NCKAP5: variants seen among roughly 807,000 people sequenced by gnomAD.
The protein encoded by NCKAP5 is nck-associated protein 5.
A neutral mutation model predicts 167.0 loss-of-function variants in NCKAP5; 92 were observed. The ratio of observed to expected loss-of-function variants is 0.55; its 90% confidence interval spans 0.47 to 0.66. The LOEUF is 0.66. NCKAP5 is among the 30% of genes least tolerant of loss of function. The pLI is 0.00. For missense variants in NCKAP5, 2,378 were observed against 2,315.0 expected (o/e 1.03, Z -0.56); for synonymous variants, 891 against 877.4 (o/e 1.02, Z -0.27).
intron 9 of NCKAP5, among the ~76,000 whole-genome samples, chr2:132,869,887 G>A (rs1161740410): frequency 6.6e-6 from 1 of 152,120 alleles, no homozygotes; most frequent in Non-Finnish European, 1.5e-5. Context: ...TCTATGTGGT[G>A]GAAATAAGGT....
At chr2:132,712,664 G>C (rs564171226) in intron 19 of NCKAP5, among the ~76,000 whole-genome samples, 2 of 150,412 alleles carry the variant, frequency 1.3e-5, no homozygotes, top group Non-Finnish European at 3.0e-5. Context: ...AAAAAGAAAG[G>C]AAAAAAAAAG....
chr2:132,839,632 T>G (rs534216152), intron 11 of NCKAP5, among the ~76,000 whole-genome samples: 2 of 151,850 alleles, frequency 1.3e-5, no homozygotes, highest in African/African-American at 4.8e-5. Context: ...ATGTTGGCAT[T>G]TGCCTGTCCC....
At chr2:133,035,325 G>A (rs2079007920) in intron 6 of NCKAP5, among the ~76,000 whole-genome samples, 3 of 151,872 alleles carry the variant, frequency 2.0e-5, no homozygotes, top group Admixed American at 1.3e-4. Context: ...GAGATTGCAG[G>A]CCCCACTTTC....
intron 7 of NCKAP5, among the ~76,000 whole-genome samples, chr2:132,973,145 C>T (rs556988752): frequency 4.6e-5 from 7 of 152,128 alleles, no homozygotes; most frequent in Admixed American, 1.3e-4. Flanking sequence ...CCTTCTACAC[C>T]GTCACTGGGG....
At chr2:133,195,481 C>G (rs962879131) in intron 5 of NCKAP5, among the ~76,000 whole-genome samples, 1 of 152,114 alleles carries the variant, frequency 6.6e-6, no homozygotes, top group Non-Finnish European at 1.5e-5. Flanking sequence ...GTCTTCCACT[C>G]AAGCCACTAT....
chr2:133,245,569 G>GA (rs1272480545), intron 4 of NCKAP5, among the ~76,000 whole-genome samples: 2 of 152,028 alleles, frequency 1.3e-5, no homozygotes, highest in Admixed American at 1.3e-4. Flanking sequence ...TTCACTTTGT[G>GA]AAAAACCAGT....
At chr2:133,089,720 A>T (rs2081110586) in intron 6 of NCKAP5, among the ~76,000 whole-genome samples, 1 of 152,248 alleles carries the variant, frequency 6.6e-6, no homozygotes, top group African/African-American at 2.4e-5. Flanking sequence ...GTCCAGCAGA[A>T]CCAGGGGCAA....
chr2:133,473,127 A>T (rs1471738884), intron 3 of NCKAP5, among the ~76,000 whole-genome samples: 2 of 152,048 alleles, frequency 1.3e-5, no homozygotes, highest in South Asian at 2.1e-4. Context: ...AGGTCAGGAG[A>T]TCGAGACCAT....
At chr2:132,880,770 C>G (rs1691684495) in intron 8 of NCKAP5, among the ~76,000 whole-genome samples, 1 of 152,030 alleles carries the variant, frequency 6.6e-6, no homozygotes, top group Non-Finnish European at 1.5e-5. Flanking sequence ...TATCAAAAAA[C>G]AAAAAGGATA....
intron 3 of NCKAP5, among the ~76,000 whole-genome samples, chr2:133,507,702 G>C (rs1683134173): frequency 6.6e-6 from 1 of 152,186 alleles, no homozygotes; most frequent in African/African-American, 2.4e-5. Context: ...GAATATGATG[G>C]CTCCTGGATT....
chr2:133,495,391 C>T (rs1681853063), intron 3 of NCKAP5, among the ~76,000 whole-genome samples: 2 of 152,080 alleles, frequency 1.3e-5, no homozygotes, highest in Admixed American at 1.3e-4. Context: ...ATCTTGATTG[C>T]ATAGGAAAAC....
chr2:133,245,896 G>GAA (rs771074749), intron 4 of NCKAP5, among the ~76,000 whole-genome samples: 12 of 60,164 alleles, frequency 2.0e-4, no homozygotes, highest in Admixed American at 7.7e-4. Context: ...ATTTGATCAG[G>GAA]AAAAAAAAAA....
At chr2:133,420,349 G>A (rs112333673) in intron 3 of NCKAP5, among the ~76,000 whole-genome samples, 1 of 152,216 alleles carries the variant, frequency 6.6e-6, no homozygotes, top group Non-Finnish European at 1.5e-5. Context: ...TGAAAGAAAC[G>A]AGTTGCAAGC....
At chr2:133,672,429 C>A in the NCKAP5 span, among the ~76,000 whole-genome samples, 1 of 152,122 alleles carries the variant, frequency 6.6e-6, no homozygotes, top group Non-Finnish European at 1.5e-5. Context: ...AGTTTTATAG[C>A]AATATGACAT....
intron 11 of NCKAP5, among the ~76,000 whole-genome samples, chr2:132,813,698 C>A (rs1686055154): frequency 6.6e-6 from 1 of 152,068 alleles, no homozygotes; most frequent in Non-Finnish European, 1.5e-5. Context: ...AATGAGGAGA[C>A]ATTAAAATCA....
intron 1 of NCKAP5, among the ~76,000 whole-genome samples, chr2:133,564,679 G>A (rs527249358): frequency 4.6e-5 from 7 of 152,168 alleles, no homozygotes; most frequent in East Asian, 1.9e-4. Flanking sequence ...GCCAAGGAAC[G>A]TGGAAGGATT....
At chr2:132,881,848 G>T (rs1001790842) in intron 8 of NCKAP5, among the ~76,000 whole-genome samples, 12 of 152,084 alleles carry the variant, frequency 7.9e-5, no homozygotes, top group Admixed American at 3.3e-4. Flanking sequence ...TTGAGGCTAT[G>T]AAAATATCCT....
At chr2:133,248,799 G>A (rs937117396) in intron 4 of NCKAP5, among the ~76,000 whole-genome samples, 3 of 152,116 alleles carry the variant, frequency 2.0e-5, no homozygotes, top group African/African-American at 2.4e-5. Context: ...GCTCCGGTTC[G>A]TTCCCCAACC....
chr2:132,876,047 C>T (rs1270200303), intron 9 of NCKAP5, among the ~76,000 whole-genome samples: 3 of 152,062 alleles, frequency 2.0e-5, no homozygotes, highest in Non-Finnish European at 4.4e-5. Context: ...TTCCTCATTT[C>T]CCAGAAAATA....
Sources: allele counts gnomAD v4.1 joint callset (sites outside exome capture counted in the v4.1 genomes callset), GRCh38; gene constraint gnomAD v4.1.1; transcripts MANE v1.5; gene names NCBI Gene and HGNC (gene_info 2026-07-23, HGNC 2026-07-21).